PDE3A: variants seen among roughly 807,000 people sequenced by gnomAD.
The protein encoded by PDE3A is phosphodiesterase 3A, also known as cGMP-inhibited 3',5'-cyclic phosphodiesterase 3A.
In PDE3A, 43 loss-of-function variants were observed where a neutral mutation model predicts 98.3. The observed-to-expected ratio is 0.44, with a 90% CI of 0.34 to 0.56. The LOEUF is 0.56. PDE3A is among the 20% of genes least tolerant of loss of function. The probability of loss-of-function intolerance (pLI) is 0.01; values close to 1 mark genes in which losing one functional copy is unlikely to be tolerated. For missense variants in PDE3A, 1,427 were observed against 1,440.7 expected, an observed-to-expected ratio of 0.99 and a Z score of 0.15; for synonymous variants, 663 against 567.9, an observed-to-expected ratio of 1.17 and a Z score of -2.38.
intron 2 of PDE3A, among the ~76,000 whole-genome samples, chr12:20,599,668 T>C (rs1240564436): frequency 6.6e-6 from 1 of 152,218 alleles, no homozygotes; most frequent in Non-Finnish European, 1.5e-5. Context: ...CTTGGATTTT[T>C]ATCTATTTAT....
intron 15 of PDE3A, among the ~76,000 whole-genome samples, chr12:20,661,115 T>G (rs528738853): frequency 3.5e-4 from 54 of 152,316 alleles, no homozygotes; most frequent in African/African-American, 1.3e-3. Context: ...TGTCGAGAAC[T>G]GGAGCAAATG....
Position 20,552,841 on chromosome 12 carries a change from G to T in PDE3A, c.961-3819G>T. 1 of 1,613,836 alleles carries T rather than the reference G, an allele frequency of 6.2e-7. No individual in the cohort carries two copies. The highest frequency in any genetic ancestry group is 8.5e-7 in the Non-Finnish European group (1 of 1,179,812). On this transcript the variant is annotated intron_variant, in intron 1 of 15. Transcript: ENST00000359062. This position sits in a 1 kb window ranked among gnomAD's most constrained non-coding sequence, Gnocchi z 5.1. ...GCTGGTGTTCCGGCCCATCACGACC[G>T]TGTGCCAGCACAACGTGTGCAAGGA...
chr12:20,460,140 C>T (rs948641617), intron 1 of PDE3A, among the ~76,000 whole-genome samples: 11 of 152,182 alleles, frequency 7.2e-5, no homozygotes, highest in African/African-American at 2.7e-4. Context: ...CTTCTTCCAC[C>T]TTCAACTCTC....
chr12:20,634,825 T>C lies in PDE3A; in HGVS notation c.1847-77T>C, dbSNP rs368980934. 1.2e-5 allele frequency: 12 copies of C among 985,092 alleles called. No homozygotes were observed. In the African/African-American group the frequency reaches 1.9e-4, roughly 16 times the overall value. 61.0% of individuals were successfully genotyped at this position (985,092 alleles called of 1,614,324 possible). A position where few individuals can be genotyped will look rare whatever the true frequency, so the allele number is the denominator to read the frequency against. ...CTAAACACTATATTTACCATATGCA[T>C]CTTAGCAAAATTTGCTTAAATGAGC... On this transcript the variant is annotated intron_variant, in intron 7 of 15. Coordinates refer to ENST00000359062, the MANE Select transcript of PDE3A (RefSeq NM_000921.5).
intron 15 of PDE3A, among the ~76,000 whole-genome samples, chr12:20,669,606 A>G (rs1945415615): frequency 6.6e-6 from 1 of 152,128 alleles, no homozygotes; most frequent in East Asian, 1.9e-4. Context: ...ACTAAGCTTC[A>G]TAAGCGAAGG....
chr12:20,673,303 G>A (rs1339724341), intron 15 of PDE3A, among the ~76,000 whole-genome samples: 2 of 149,922 alleles, frequency 1.3e-5, no homozygotes, highest in Non-Finnish European at 3.0e-5. Flanking sequence ...GATTCCTCAG[G>A]GATCTAGAAC....
chr12:20,389,766 C>A (rs1943880166), intron 1 of PDE3A, among the ~76,000 whole-genome samples: 1 of 151,940 alleles, frequency 6.6e-6, no homozygotes, highest in Admixed American at 6.6e-5. Context: ...AAGGTCATAG[C>A]TAAATTTAAT....
At chr12:20,533,629 C>G (rs1368853960) in intron 1 of PDE3A, among the ~76,000 whole-genome samples, 2 of 151,686 alleles carry the variant, frequency 1.3e-5, no homozygotes, top group African/African-American at 4.8e-5. Context: ...GTACAGGCGC[C>G]ACCACCACAC....
intron 13 of PDE3A, among the ~76,000 whole-genome samples, chr12:20,649,926 C>G (rs1000822423): frequency 6.9e-6 from 1 of 144,272 alleles, no homozygotes; most frequent in Non-Finnish European, 1.5e-5. Flanking sequence ...GACTCTGTCT[C>G]AAAAAAAGAA....
chr12:20,496,535 C>T (rs1388991751), intron 1 of PDE3A, among the ~76,000 whole-genome samples: 4 of 151,942 alleles, frequency 2.6e-5, no homozygotes, highest in Admixed American at 6.6e-5. Flanking sequence ...ACCGCCACCC[C>T]GCAACACCCC....
chr12:20,655,677 A>G (rs1945026068), intron 15 of PDE3A, among the ~76,000 whole-genome samples: 1 of 152,218 alleles, frequency 6.6e-6, no homozygotes, highest in South Asian at 2.1e-4. Context: ...AGGTCACGGT[A>G]AGTGTTGTGG....
intron 2 of PDE3A, among the ~76,000 whole-genome samples, chr12:20,570,671 A>AT (rs1343222626): frequency 6.6e-6 from 1 of 152,130 alleles, no homozygotes; most frequent in South Asian, 2.1e-4. Flanking sequence ...GTAAGCATTC[A>AT]TTTTTTTGTT....
chr12:20,636,600 A>G (rs1944519668), intron 8 of PDE3A, among the ~76,000 whole-genome samples: 2 of 152,172 alleles, frequency 1.3e-5, no homozygotes, highest in Admixed American at 6.5e-5. Flanking sequence ...ATTTTAAAGC[A>G]TTAATATAAA....
chr12:20,497,513 TC>T, intron 1 of PDE3A, among the ~76,000 whole-genome samples: 1 of 151,068 alleles, frequency 6.6e-6, no homozygotes, highest in Non-Finnish European at 1.5e-5. Context: ...AAACATAGGT[TC>T]TACAAATTGT....
intron 1 of PDE3A, among the ~76,000 whole-genome samples, chr12:20,444,367 A>G (rs1355763064): frequency 6.6e-6 from 1 of 152,196 alleles, no homozygotes; most frequent in Non-Finnish European, 1.5e-5. Context: ...GAATACACAT[A>G]AACAACAGAG....
At chr12:20,643,623 GA>G (rs1944696775) in intron 10 of PDE3A, among the ~76,000 whole-genome samples, 1 of 6,938 alleles carries the variant, frequency 1.4e-4, no homozygotes, top group African/African-American at 1.8e-4. Flanking sequence ...TTTGGTTAGT[GA>G]TTTTTTTTTT....
At chr12:20,406,744 G>T (rs1944240005) in intron 1 of PDE3A, among the ~76,000 whole-genome samples, 2 of 151,948 alleles carry the variant, frequency 1.3e-5, no homozygotes, top group Admixed American at 1.3e-4. Flanking sequence ...TGCTTTTGTT[G>T]CCTATGCTTT....
intron 15 of PDE3A, among the ~76,000 whole-genome samples, chr12:20,671,425 A>G (rs888791596): frequency 4.6e-5 from 7 of 152,184 alleles, no homozygotes; most frequent in African/African-American, 1.4e-4. Flanking sequence ...AATATCCTTG[A>G]TGAACATTGA....
At chr12:20,646,205 T>C (rs1336410029) in intron 10 of PDE3A, among the ~76,000 whole-genome samples, 2 of 152,186 alleles carry the variant, frequency 1.3e-5, no homozygotes, top group Non-Finnish European at 2.9e-5. Flanking sequence ...TTTCACACAG[T>C]ATGTTTCCTA....
Sources: allele counts gnomAD v4.1 joint callset (sites outside exome capture counted in the v4.1 genomes callset), GRCh38; gene constraint gnomAD v4.1.1; non-coding constraint Gnocchi (gnomAD v3.1); transcripts MANE v1.5; gene names NCBI Gene and HGNC (gene_info 2026-07-23, HGNC 2026-07-21).